KATNIP: variants seen among roughly 807,000 people sequenced by gnomAD.
KATNIP encodes the protein katanin-interacting protein.
A neutral mutation model predicts 174.0 loss-of-function variants in KATNIP; 126 were observed. The ratio of observed to expected loss-of-function variants is 0.72; its 90% CI spans 0.63 to 0.84. KATNIP has a LOEUF of 0.84. Among genes scored for constraint, KATNIP ranks in the 40% least tolerant of loss-of-function variants. The pLI, the probability that KATNIP is intolerant of heterozygous loss-of-function variation, is 0.00. For missense variants in KATNIP, 1,958 were observed against 2,109.7 expected, an observed-to-expected ratio of 0.93 and a Z score of 1.41; for synonymous variants, 810 against 835.7, an observed-to-expected ratio of 0.97 and a Z score of 0.53.
chr16:27,747,997 G>A (rs904747854), intron 15 of KATNIP, among the ~76,000 whole-genome samples: 12 of 152,192 alleles, frequency 7.9e-5, no homozygotes, highest in Non-Finnish European at 1.6e-4. Flanking sequence ...AGACAGGCAG[G>A]AAATGGAGTA....
chr16:27,735,033 G>A (rs1253184384), intron 14 of KATNIP, among the ~76,000 whole-genome samples: 1 of 152,214 alleles, frequency 6.6e-6, no homozygotes, highest in African/African-American at 2.4e-5. Context: ...TATTCCCTAT[G>A]GGGACCCCAC....
chr16:27,673,340 C>G (rs931867182), intron 6 of KATNIP, among the ~76,000 whole-genome samples: 11 of 152,116 alleles, frequency 7.2e-5, no homozygotes, highest in African/African-American at 2.7e-4. Flanking sequence ...AACAGCAGGT[C>G]GCCTAGGAAC....
At chr16:27,766,046 A>T (rs2082110292) in intron 19 of KATNIP, among the ~76,000 whole-genome samples, 1 of 152,080 alleles carries the variant, frequency 6.6e-6, no homozygotes, top group Non-Finnish European at 1.5e-5. Flanking sequence ...TTAAAAAAAA[A>T]ACAAAAACCC....
chr16:27,701,726 C>T (rs1350978058), intron 11 of KATNIP, 31 bp downstream of exon 11: 1 of 1,489,908 alleles, frequency 6.7e-7, no homozygotes. Context: ...AAACCCGAAA[C>T]CCCTTAGCAG....
chr16:27,623,480 A>T (rs572418308), intron 3 of KATNIP, among the ~76,000 whole-genome samples: 91 of 152,084 alleles, frequency 6.0e-4, no homozygotes, highest in African/African-American at 2.1e-3. Flanking sequence ...ATTGATTGAG[A>T]TGGGGGTCTC....
At chr16:27,757,640 T>C in intron 18 of KATNIP, 1 of 481,364 alleles carries the variant, frequency 2.1e-6, no homozygotes, top group Non-Finnish European at 2.7e-6. Flanking sequence ...CTCTTCTCAG[T>C]AGGAAGGCAG....
At chr16:27,647,307 C>A (rs2142321548) in intron 5 of KATNIP, among the ~76,000 whole-genome samples, 1 of 152,156 alleles carries the variant, frequency 6.6e-6, no homozygotes, top group Admixed American at 6.5e-5. Context: ...AGTATGTAGG[C>A]CAGGGTTTCC....
Position 27,608,356 on chromosome 16 carries a change from A to G in KATNIP, c.64-10069A>G, listed in dbSNP as rs150779014. Among the ~76,000 whole-genome samples the G allele has an allele frequency of 9.2e-3, 1,355 of 147,014 alleles. 22 individuals carry two copies. Among genetic ancestry groups the G allele is most frequent in the African/African-American group, 0.033 (1,298 of 39,560 alleles). On this transcript the variant is annotated intron_variant, in intron 2 of 27. Coordinates refer to ENST00000261588, the MANE Select transcript of KATNIP (RefSeq NM_015202.5). ...AGCCATCCTCCCACCTCAGCCTCCC[A>G]AGTAGCTGGGACTACGGGTGCACGC...
Position 27,708,796 on chromosome 16 carries a change from GTC to G in KATNIP, c.1484_1485del (p.Leu495HisfsTer7), listed in dbSNP as rs2079434611. ...AACTGGGGCAACTCGTGGTGGGTGGGTCTCACAGAAGTCGAGTTCTTTGACTT... is the reference window on the plus strand; with the variant it reads ...AACTGGGGCAACTCGTGGTGGGTGGGTCACAGAAGTCGAGTTCTTTGACTT... On this transcript the variant is annotated frameshift_variant, in exon 13 of 28. Coordinates refer to ENST00000261588, the MANE Select transcript of KATNIP (RefSeq NM_015202.5). LOFTEE classifies it high-confidence loss of function. The G allele has an allele frequency of 1.2e-6, 2 of 1,613,854 alleles. No individual in the cohort carries two copies. The highest frequency in any genetic ancestry group is 2.7e-5 in the African/African-American group (2 of 74,846).
At chr16:27,590,307 C>T (rs376947711) in intron 2 of KATNIP, among the ~76,000 whole-genome samples, 22 of 151,086 alleles carry the variant, frequency 1.5e-4, no homozygotes, top group African/African-American at 3.4e-4. Flanking sequence ...AGTATGATTT[C>T]CTGTTTCCTA....
intron 2 of KATNIP, among the ~76,000 whole-genome samples, chr16:27,595,959 G>A (rs930602638): frequency 3.9e-5 from 6 of 152,216 alleles, no homozygotes; most frequent in Admixed American, 3.9e-4. Context: ...GGCTGATGGA[G>A]GAGGAACGAG....
At chr16:27,727,732 G>A (rs1031949521) in intron 14 of KATNIP, 1 of 152,262 alleles carries the variant, frequency 6.6e-6, no homozygotes, top group East Asian at 1.9e-4. Flanking sequence ...GATTAGTTCA[G>A]TAATGAGGCG....
At chr16:27,724,301 A>G (rs947468729) in intron 14 of KATNIP, among the ~76,000 whole-genome samples, 3 of 152,172 alleles carry the variant, frequency 2.0e-5, no homozygotes, top group Non-Finnish European at 4.4e-5. Flanking sequence ...GGAATGGGCA[A>G]TGGAACAATG....
chr16:27,741,617 G>T (rs2081111886), intron 15 of KATNIP, among the ~76,000 whole-genome samples: 1 of 151,528 alleles, frequency 6.6e-6, no homozygotes, highest in African/African-American at 2.4e-5. Context: ...GGAGTGCAAG[G>T]CCAGGCCGGG....
At chr16:27,691,067 T>C (rs1014161286) in intron 8 of KATNIP, among the ~76,000 whole-genome samples, 2 of 152,176 alleles carry the variant, frequency 1.3e-5, no homozygotes, top group African/African-American at 4.8e-5. Flanking sequence ...TAGACCCTTG[T>C]TGTCCTTAAA....
rs932316591 is a variant in KATNIP at position 27,721,571 on chromosome 16, C to A, written c.1619C>A (p.Ser540Tyr). 1 of 1,614,160 alleles carries A rather than the reference C, an allele frequency of 6.2e-7. No individual in the cohort carries two copies. The highest frequency in any genetic ancestry group is 8.5e-7 in the Non-Finnish European group (1 of 1,180,024). ...CTGGCCTTCTAGGGCAAGAAAGACT[C>A]CTCCCCGTGGACCTGCCCCTTCCAC... ...VNRNLAGKKD[S>Y]SPWTCPFHPP... is the part of the protein sequence containing the mutation. The change falls in exon 14 of 28, where the codon TCC becomes TAC. Residue 540 changes from serine to tyrosine, a missense_variant. By Grantham distance (144) the Ser-to-Tyr change is moderately radical (BLOSUM62 -2). Transcript: ENST00000261588.
chr16:27,623,661 G>A (rs1251484084), intron 3 of KATNIP, among the ~76,000 whole-genome samples: 1 of 151,814 alleles, frequency 6.6e-6, no homozygotes. Context: ...TCATCCTTTC[G>A]ATATAAATGC....
chr16:27,727,207 T>C, intron 14 of KATNIP: 1 of 230,856 alleles, frequency 4.3e-6, no homozygotes. Flanking sequence ...TGTTTGTTTT[T>C]CTAGACAGTC....
At chr16:27,654,580 A>G (rs766005070) in intron 6 of KATNIP, 1 of 1,351,928 alleles carries the variant, frequency 7.4e-7, no homozygotes, top group Non-Finnish European at 9.8e-7. Context: ...TGTTTTTACC[A>G]TGCCCAGTTT....
Sources: allele counts gnomAD v4.1 joint callset (sites outside exome capture counted in the v4.1 genomes callset), GRCh38; gene constraint gnomAD v4.1.1; transcripts MANE v1.5; gene names NCBI Gene and HGNC (gene_info 2026-07-23, HGNC 2026-07-21).